Variants in PLD3 observed in about 807,000 individuals in gnomAD.
PLD3 encodes the protein 5'-3' exonuclease PLD3.
In PLD3, 31 loss-of-function variants were observed where a neutral mutation model predicts 58.4. The observed-to-expected ratio is 0.53, with a 90% CI of 0.40 to 0.72. PLD3 has a LOEUF of 0.72. PLD3 is among the 30% of genes least tolerant of loss of function. The probability of loss-of-function intolerance (pLI) is 0.00; values close to 1 mark genes in which losing one functional copy is unlikely to be tolerated. For synonymous variants in PLD3, 264 were observed against 273.4 expected, an observed-to-expected ratio of 0.97 and a Z score of 0.34; for missense variants, 595 against 659.8, an observed-to-expected ratio of 0.90 and a Z score of 1.08.
chr19:40,353,394 C>T (rs2078567589), intron 1 of PLD3, among the ~76,000 whole-genome samples: 1 of 152,090 alleles, frequency 6.6e-6, no homozygotes, highest in African/African-American at 2.4e-5. Flanking sequence ...CCTGCCACTG[C>T]ACTCCAGTCT....
At chr19:40,362,331 C>T (rs1049549225) in intron 1 of PLD3, among the ~76,000 whole-genome samples, 1 of 152,236 alleles carries the variant, frequency 6.6e-6, no homozygotes, top group African/African-American at 2.4e-5. Context: ...CAAACAGTCA[C>T]TAAGTGCAGA....
At chr19:40,376,863 G>T in intron 11 of PLD3, 89 bp downstream of exon 11, 1 of 1,286,664 alleles carries the variant, frequency 7.8e-7, no homozygotes, top group South Asian at 1.4e-5. Context: ...CAATGACAAG[G>T]GCAGCCCAGA....
At chr19:40,361,084 G>A (rs1387108173) in intron 1 of PLD3, among the ~76,000 whole-genome samples, 1 of 152,064 alleles carries the variant, frequency 6.6e-6, no homozygotes, top group East Asian at 1.9e-4. Context: ...GAGTTCAAGA[G>A]TAGCCTGGGC....
chr19:40,370,553 G>T, intron 8 of PLD3: 1 of 228,382 alleles, frequency 4.4e-6, no homozygotes, highest in South Asian at 6.0e-5. Flanking sequence ...CACACCTCTG[G>T]TCCCAGCTCC....
chr19:40,353,310 A>G (rs2078564568), intron 1 of PLD3, among the ~76,000 whole-genome samples: 1 of 151,948 alleles, frequency 6.6e-6, no homozygotes, highest in Admixed American at 6.6e-5. Flanking sequence ...GGCACCTGTC[A>G]TCCCACCTAC....
intron 5 of PLD3, chr19:40,367,279 G>A (rs2078949883): frequency 1.5e-5 from 4 of 263,624 alleles, no homozygotes; most frequent in Middle Eastern, 1.1e-3. Context: ...TAAAAGAAAA[G>A]AAAAACTCAA....
At chr19:40,368,751 C>A (rs1052684198) in intron 6 of PLD3, among the ~76,000 whole-genome samples, 8 of 151,876 alleles carry the variant, frequency 5.3e-5, no homozygotes, top group Non-Finnish European at 8.8e-5. Context: ...TCCCCTCAAC[C>A]ATCTCTACTA....
chr19:40,350,948 GAGAGT>G (rs2078497669), intron 1 of PLD3, among the ~76,000 whole-genome samples: 1 of 151,902 alleles, frequency 6.6e-6, no homozygotes, highest in African/African-American at 2.4e-5. Flanking sequence ...AAGGAGAAGA[GAGAGT>G]AGGGCTGGGC....
At chr19:40,356,016 T>C (rs2078648746) in intron 1 of PLD3, 1 of 152,334 alleles carries the variant, frequency 6.6e-6, no homozygotes, top group Admixed American at 6.6e-5. Context: ...CTAGGAGGCA[T>C]AGGCAGAGGG....
intron 1 of PLD3, among the ~76,000 whole-genome samples, chr19:40,360,944 G>T (rs1036403995): frequency 2.0e-5 from 3 of 152,196 alleles, no homozygotes; most frequent in Admixed American, 1.3e-4. Flanking sequence ...GATTATGCTT[G>T]CGTGGGACAC....
Position 40,374,612 on chromosome 19 carries a change from C to A in PLD3, c.1011C>A (p.His337Gln). The A allele has an allele frequency of 6.2e-7, 1 of 1,614,120 alleles. No individual in the cohort carries two copies. Among genetic ancestry groups the A allele is most frequent in the South Asian group, 1.1e-5 (1 of 91,084 alleles). Residue 337 changes from histidine to glutamine, a missense_variant, in exon 10 of 13, where the codon CAC (histidine) becomes CAA (glutamine). Coordinates refer to ENST00000409735, the MANE Select transcript of PLD3 (RefSeq NM_012268.4). ...ACCTGCCCACTCTGGAGTTCTCCCA[C>A]CCTCACAGGTACTGCTGGGTGTGGA... ...MNYLPTLEFS[H>Q]PHRFWPAIDD...
intron 9 of PLD3, among the ~76,000 whole-genome samples, chr19:40,372,753 C>T (rs2145698425): frequency 6.7e-6 from 1 of 149,360 alleles, no homozygotes; most frequent in Non-Finnish European, 1.5e-5. Context: ...TGGTTGTGTG[C>T]ACCTGTAGTC....
intron 1 of PLD3, among the ~76,000 whole-genome samples, chr19:40,350,470 C>T (rs1056568644): frequency 3.3e-5 from 5 of 151,972 alleles, no homozygotes; most frequent in Non-Finnish European, 4.4e-5. Context: ...CTCGGCCTGG[C>T]GCAATGGCTC....
chr19:40,377,862 T>C lies in PLD3; in HGVS notation c.1262T>C (p.Val421Ala). The C allele has an allele frequency of 6.2e-7, 1 of 1,613,844 alleles. No individual in the cohort carries two copies. The highest frequency in any genetic ancestry group is 1.1e-5 in the South Asian group (1 of 91,072). ...YARVNHNKYM[V>A]TERATYIGTS... Reference sequence around the variant, plus strand: ...CGTGTCAACCACAACAAGTACATGGTGACTGAACGCGCCACCTACATCGGT... The same window carrying C: ...CGTGTCAACCACAACAAGTACATGGCGACTGAACGCGCCACCTACATCGGT... The change falls in exon 12 of 13, where the codon GTG becomes GCG. Residue 421 changes from valine to alanine, a missense_variant. Physicochemically the swap from Val to Ala is moderately conservative, Grantham distance 64 (BLOSUM62 0). Coordinates refer to ENST00000409735, the MANE Select transcript of PLD3 (RefSeq NM_012268.4).
At chr19:40,361,610 C>T (rs780200476) in intron 1 of PLD3, among the ~76,000 whole-genome samples, 37 of 152,070 alleles carry the variant, frequency 2.4e-4, no homozygotes, top group Non-Finnish European at 5.0e-4. Context: ...CTTCTCCATC[C>T]ACACCAGGCA....
rs58157604 is a variant in PLD3 at position 40,372,633 on chromosome 19, A to ATT, written c.879+775_879+776dup. Among the ~76,000 whole-genome samples the ATT allele has an allele frequency of 3.8e-3, 537 of 141,768 alleles. 1 individual carries two copies. The highest frequency in any genetic ancestry group is 4.5e-3 in the Admixed American group (64 of 14,178). 93.0% of individuals were successfully genotyped at this position (141,768 alleles called of 152,430 possible). ...ACATAGGGAGACATCATTTCTTTCT[A>ATT]TTTTTTTTTTTTTTTTGGTCTTATT... On this transcript the variant is annotated intron_variant, in intron 9 of 12. Coordinates refer to ENST00000409735, the MANE Select transcript of PLD3 (RefSeq NM_012268.4).
chr19:40,349,981 C>T (rs2078454850), intron 1 of PLD3, among the ~76,000 whole-genome samples: 1 of 139,862 alleles, frequency 7.1e-6, no homozygotes, highest in Non-Finnish European at 1.5e-5. Context: ...TAATAATAGG[C>T]CAGGCGCGGT....
intron 6 of PLD3, 67 bp from the exon 7 acceptor site, chr19:40,369,841 G>C (rs755001322): frequency 7.0e-7 from 1 of 1,426,364 alleles, no homozygotes. Context: ...TAACTCCACC[G>C]GGCATTACCT....
intron 1 of PLD3, 34 bp downstream of exon 1, chr19:40,348,802 T>G: frequency 3.4e-6 from 1 of 295,130 alleles, no homozygotes. Context: ...GCGCCTCGGC[T>G]ACCCTCCTCG....
Sources: gnomAD v4.1 joint callset for allele counts (sites outside exome capture counted in the v4.1 genomes callset) on GRCh38, gnomAD v4.1.1 for gene constraint, MANE v1.5 for transcripts, NCBI Gene and HGNC (gene_info 2026-07-23, HGNC 2026-07-21) for gene names.